Variants in MAP4 observed in about 807,000 individuals in gnomAD.
MAP4 encodes the protein microtubule-associated protein 4.
In MAP4, 76 loss-of-function variants were observed where a neutral mutation model predicts 170.2. The ratio of observed to expected loss-of-function variants is 0.45; its 90% CI spans 0.37 to 0.54. MAP4 has a LOEUF of 0.54. Among genes scored for constraint, MAP4 ranks in the 20% least tolerant of loss-of-function variants. The pLI, the probability that MAP4 is intolerant of heterozygous loss-of-function variation, is 0.00. For synonymous variants in MAP4, 909 were observed against 994.5 expected, an observed-to-expected ratio of 0.91 and a Z score of 1.62; for missense variants, 2,506 against 2,748.0, an observed-to-expected ratio of 0.91 and a Z score of 1.97.
At chr3:47,992,898 C>T (rs1417374048) in intron 2 of MAP4, among the ~76,000 whole-genome samples, 4 of 141,702 alleles carry the variant, frequency 2.8e-5, no homozygotes, top group Admixed American at 2.1e-4. Flanking sequence ...AGAGACACTC[C>T]ATCTTAAAAA....
upstream of MAP4, among the ~76,000 whole-genome samples, chr3:48,019,702 C>A (rs995215720): frequency 2.0e-5 from 3 of 152,114 alleles, no homozygotes; most frequent in African/African-American, 7.2e-5. Flanking sequence ...CTGGGCAACA[C>A]AGTTGAGACT....
chr3:47,979,133 AC>A (rs1479329744), intron 2 of MAP4, among the ~76,000 whole-genome samples: 1 of 151,892 alleles, frequency 6.6e-6, no homozygotes, highest in African/African-American at 2.4e-5. Flanking sequence ...ATTGAGGCCT[AC>A]GGTACATTTT....
At chr3:47,930,428 G>C (rs1463438575) in intron 3 of MAP4, among the ~76,000 whole-genome samples, 1 of 150,410 alleles carries the variant, frequency 6.6e-6, no homozygotes, top group African/African-American at 2.4e-5. Flanking sequence ...GTCCGGCCTG[G>C]GCGACAGAGC....
rs556784266 is a variant in MAP4 at position 48,071,657 on chromosome 3, G to A, written c.-20+17116C>T. Among the ~76,000 whole-genome samples, 10 of 152,246 alleles carry A rather than the reference G, an allele frequency of 6.6e-5. No homozygotes were observed. The East Asian group carries it at 1.7e-3, about 26-fold the overall frequency. Reference sequence around the variant, plus strand: ...ATGAAAAAAGTAGCCGGGTGCAGTCGCTCACACCTGTAACTCCAGCACTTT... The same window carrying A: ...ATGAAAAAAGTAGCCGGGTGCAGTCACTCACACCTGTAACTCCAGCACTTT... On this transcript the variant is annotated intron_variant, in intron 1 of 18. Transcript: ENST00000360240.
chr3:48,038,596 G>C (rs2100120034), intron 1 of MAP4, among the ~76,000 whole-genome samples: 1 of 151,956 alleles, frequency 6.6e-6, no homozygotes, highest in Non-Finnish European at 1.5e-5. Context: ...AAGCAGCGGG[G>C]ACTACAGGCG....
At chr3:47,932,538 A>G (rs1437415914) in intron 3 of MAP4, among the ~76,000 whole-genome samples, 3 of 152,172 alleles carry the variant, frequency 2.0e-5, no homozygotes, top group Admixed American at 1.3e-4. Flanking sequence ...TACAATCCCA[A>G]TAACAATACA....
intron 1 of MAP4, among the ~76,000 whole-genome samples, chr3:48,071,927 A>C (rs1559900922): frequency 6.6e-6 from 1 of 151,238 alleles, no homozygotes; most frequent in Non-Finnish European, 1.5e-5. Flanking sequence ...ATAAAAATAA[A>C]TAAATTAATG....
At chr3:47,931,666 T>TC (rs1356598673) in intron 3 of MAP4, 3 of 151,102 alleles carry the variant, frequency 2.0e-5, no homozygotes, top group African/African-American at 4.9e-5. Context: ...ATTTTTTTTT[T>TC]TTTTTTTTTG....
intron 3 of MAP4, among the ~76,000 whole-genome samples, chr3:47,969,847 A>G (rs9882308): frequency 0.92 from 138,337 of 151,000 alleles, 63,594 homozygotes; most frequent in East Asian, 1. Context: ...GCGACAGAGC[A>G]AGACTCTGTC....
intron 2 of MAP4, among the ~76,000 whole-genome samples, chr3:47,996,512 T>C (rs558155529): frequency 1.3e-5 from 2 of 152,084 alleles, no homozygotes; most frequent in South Asian, 2.1e-4. Flanking sequence ...GCAAGCACAT[T>C]AAAGAAATAC....
At position 47,993,961 on chromosome 3, in the gene MAP4, A is replaced by G. The variant is rs371174725; in HGVS notation, c.223+4677T>C. Among the ~76,000 whole-genome samples, 14 of 152,308 alleles carry G rather than the reference A, an allele frequency of 9.2e-5. No homozygotes were observed. The East Asian group carries it at 2.7e-3, about 29-fold the overall frequency. On this transcript the variant is annotated intron_variant, in intron 2 of 20. Coordinates refer to ENST00000683076, the MANE Select transcript of MAP4 (RefSeq NM_001385682.1). ...AATGCTCCTGTTCATTCCTTTCATC[A>G]ACAAAGATAATTTGTGACAGTTTTG...
intron 1 of MAP4, among the ~76,000 whole-genome samples, chr3:48,044,472 A>T (rs980520771): frequency 6.6e-5 from 10 of 150,912 alleles, no homozygotes; most frequent in East Asian, 2.1e-4. Flanking sequence ...TGTAATTTTT[A>T]AAAAATTTTG....
chr3:47,954,783 G>C (rs2100066672), intron 3 of MAP4, among the ~76,000 whole-genome samples: 1 of 152,164 alleles, frequency 6.6e-6, no homozygotes, highest in Non-Finnish European at 1.5e-5. Flanking sequence ...CTTAGCTCAA[G>C]TCCACCTCAC....
At chr3:47,884,113 G>C (rs2097201901) in intron 10 of MAP4, among the ~76,000 whole-genome samples, 1 of 152,128 alleles carries the variant, frequency 6.6e-6, no homozygotes, top group Non-Finnish European at 1.5e-5. Flanking sequence ...CTGAGATTCT[G>C]ATGATACAAA....
intron 17 of MAP4, among the ~76,000 whole-genome samples, chr3:47,860,692 A>C (rs1417756680): frequency 2.6e-5 from 4 of 152,222 alleles, no homozygotes; most frequent in Non-Finnish European, 5.9e-5. Flanking sequence ...AGGAATTGCC[A>C]ACATCACAAA....
Position 47,911,871 on chromosome 3 carries a change from G to A in MAP4, c.2550C>T (p.Val850=), listed in dbSNP as rs189925991. 4 of 1,536,124 alleles carry A rather than the reference G, an allele frequency of 2.6e-6. No individual in the cohort carries two copies. The African/African-American group carries it at 4.1e-5, about 16-fold the overall frequency. The change falls in exon 9 of 21, where the codon GTC becomes GTT. Residue 850 remains valine (V), a synonymous_variant. Transcript: ENST00000683076. This position sits in a 1 kb window ranked among gnomAD's most constrained non-coding sequence, Gnocchi z 4.0. ...ATAAAGGAATTCTGAGACTCTCTGA[G>A]ACAAAGTTCTCAGCTACCAGTCTGG... is the stretch of plus-strand genomic sequence containing the variant. ...SAARLVAENF[V]SESLRIPLYP...
At chr3:48,075,029 C>T (rs1177210934) in intron 1 of MAP4, among the ~76,000 whole-genome samples, 1 of 151,918 alleles carries the variant, frequency 6.6e-6, no homozygotes, top group Non-Finnish European at 1.5e-5. Flanking sequence ...AATGGAAATG[C>T]CAAGGATCCA....
rs373953416 is a variant in MAP4, at chr3:47,892,717, C to A, written c.5434+10233G>T. The A allele has an allele frequency of 2.0e-4, 272 of 1,354,210 alleles. No individual in the cohort carries two copies. In the African/African-American group the frequency reaches 2.9e-3, roughly 14 times the overall value. The allele number at this position is 1,354,210 out of a possible 1,614,324, so 83.9% of individuals were successfully genotyped here. On this transcript the variant is annotated intron_variant, in intron 10 of 20. Transcript: ENST00000683076. ...AATGAAAGCGAAAGAAAGGAAGGAA[C>A]CTGCTGCTTTCTGCACAACAAAATG... is the stretch of plus-strand genomic sequence containing the variant.
intron 10 of MAP4, among the ~76,000 whole-genome samples, chr3:47,881,398 G>A (rs2096675961): frequency 1.5e-5 from 2 of 136,592 alleles, no homozygotes; most frequent in East Asian, 4.4e-4. Flanking sequence ...CCTGCTGTGA[G>A]CTATGATCAG....
Sources: allele counts gnomAD v4.1 joint callset (sites outside exome capture counted in the v4.1 genomes callset), GRCh38; gene constraint gnomAD v4.1.1; non-coding constraint Gnocchi (gnomAD v3.1); transcripts MANE v1.5; gene names NCBI Gene and HGNC (gene_info 2026-07-23, HGNC 2026-07-21).